Variants in DNM1 observed in about 807,000 individuals in gnomAD.
The protein encoded by DNM1 is dynamin 1.
A neutral mutation model predicts 104.6 loss-of-function variants in DNM1; 29 were observed. That is an observed-to-expected ratio of 0.28 (90% CI 0.21 to 0.38). DNM1 has a LOEUF of 0.38. Ranked by LOEUF, DNM1 falls within the 10% of genes least tolerant of loss-of-function variation. The probability of loss-of-function intolerance (pLI) is 1.00; values close to 1 mark genes in which losing one functional copy is unlikely to be tolerated. For synonymous variants in DNM1, 445 were observed against 475.8 expected, an observed-to-expected ratio of 0.94 and a Z score of 0.84; for missense variants, 640 against 1,189.4, an observed-to-expected ratio of 0.54 and a Z score of 6.79.
chr9:128,224,069 CA>C lies in DNM1; in HGVS notation c.1197-176del. The stretch of plus-strand genomic sequence containing the variant: ...GTCTCAAAAAAAATAACAACAACAA[CA>C]AAAAACCCTTCATTAGAACCCCTCC... On this transcript the variant is annotated intron_variant, in intron 9 of 21. Transcript: ENST00000372923. This position sits in a 1 kb window ranked among gnomAD's most constrained non-coding sequence, Gnocchi z 4.3. 2 of 715,004 alleles carry C rather than the reference CA, an allele frequency of 2.8e-6. No individual in the cohort carries two copies. Among genetic ancestry groups the C allele is most frequent in the Non-Finnish European group, 4.3e-6 (2 of 468,588 alleles). 44.3% of individuals were successfully genotyped at this position (715,004 alleles called of 1,614,324 possible). A position where few individuals can be genotyped will look rare whatever the true frequency, so the allele number is the denominator to read the frequency against.
At chr9:128,215,015 T>C (rs547789348) in intron 1 of DNM1, among the ~76,000 whole-genome samples, 1 of 152,344 alleles carries the variant, frequency 6.6e-6, no homozygotes, top group East Asian at 1.9e-4. Flanking sequence ...TGCTGAGTCA[T>C]GCACATTCCT....
In DNM1 at chr9:128,218,965, G is replaced by A. The variant is rs1328545771; in HGVS notation, c.386-84G>A. On this transcript the variant is annotated intron_variant, in intron 3 of 21. Coordinates refer to ENST00000372923, the MANE Select transcript of DNM1 (RefSeq NM_004408.4). The surrounding 1 kb of genome is among the most constrained non-coding windows in gnomAD (Gnocchi z 4.8). ...CCACCTGCCACCCTGCTCCCAAGCA[G>A]CTTCTCTAACCCCGCCCTATTCTTT... 6.6e-7 allele frequency: 1 copy of A among 1,506,138 alleles called. No homozygotes were observed. The highest frequency in any genetic ancestry group is 1.4e-5 in the African/African-American group (1 of 72,730). 93.3% of individuals were successfully genotyped at this position (1,506,138 alleles called of 1,614,324 possible).
intron 1 of DNM1, among the ~76,000 whole-genome samples, chr9:128,206,796 GC>G (rs1833996780): frequency 6.6e-6 from 1 of 152,138 alleles, no homozygotes. Flanking sequence ...AAGCCCTTAG[GC>G]CATGAGGAGT....
At chr9:128,210,189 A>T (rs1588322376) in intron 1 of DNM1, among the ~76,000 whole-genome samples, 1 of 151,914 alleles carries the variant, frequency 6.6e-6, no homozygotes, top group East Asian at 1.9e-4. Context: ...AGCTGGGATG[A>T]CAGGCATGTG....
At chr9:128,239,597 T>TAC in intron 12 of DNM1, 82 bp downstream of exon 12, 1 of 1,266,732 alleles carries the variant, frequency 7.9e-7, no homozygotes, top group Non-Finnish European at 1.1e-6. Flanking sequence ...TGTGTGTGTG[T>TAC]GTGTGTGTGT....
chr9:128,225,400 T>C (rs1413551830), intron 10 of DNM1, among the ~76,000 whole-genome samples: 2 of 152,282 alleles, frequency 1.3e-5, no homozygotes, highest in African/African-American at 4.8e-5. Context: ...CAGGCTGCTA[T>C]ACTGCAACCC....
chr9:128,213,263 G>C (rs1206402109), intron 1 of DNM1, among the ~76,000 whole-genome samples: 1 of 152,038 alleles, frequency 6.6e-6, no homozygotes, highest in East Asian at 1.9e-4. Context: ...TGTATCTTTA[G>C]TAGAGATGGG....
At chr9:128,239,289 C>T (rs919301403) in intron 11 of DNM1, among the ~76,000 whole-genome samples, 156 bp from the exon 12 acceptor site, 10 of 152,178 alleles carry the variant, frequency 6.6e-5, no homozygotes, top group Non-Finnish European at 1.3e-4. Flanking sequence ...TGAGCCACCA[C>T]GCTCAGCTTT....
chr9:128,251,041 G>A (rs1269069669), intron 21 of DNM1, 101 bp downstream of exon 21: 1 of 825,174 alleles, frequency 1.2e-6, no homozygotes, highest in Non-Finnish European at 1.9e-6. Flanking sequence ...CGCCAGAACC[G>A]GCCGTTTCTA....
intron 11 of DNM1, among the ~76,000 whole-genome samples, chr9:128,236,298 A>G (rs781356472): frequency 6.6e-5 from 10 of 152,032 alleles, no homozygotes; most frequent in Non-Finnish European, 1.3e-4. Flanking sequence ...CCATGCCCCT[A>G]CATGTCTGTT....
chr9:128,236,662 G>A (rs1317391042), intron 11 of DNM1, among the ~76,000 whole-genome samples: 3 of 151,978 alleles, frequency 2.0e-5, no homozygotes, highest in Non-Finnish European at 2.9e-5. Context: ...ACCAGCCAGG[G>A]CAACATGGCA....
chr9:128,221,189 A>C (rs1190618056), intron 6 of DNM1: 2 of 151,902 alleles, frequency 1.3e-5, no homozygotes. Context: ...TCCTGGATTC[A>C]AGGGATTCTC....
At chr9:128,244,103 C>T (rs917265166) in intron 15 of DNM1, among the ~76,000 whole-genome samples, 1 of 148,806 alleles carries the variant, frequency 6.7e-6, no homozygotes, top group African/African-American at 2.6e-5. Flanking sequence ...CTCTGGGCAC[C>T]TGCCTGTGCT....
Position 128,218,702 on chromosome 9 carries a change from C to T in DNM1, c.356C>T (p.Pro119Leu), listed in dbSNP as rs761430518. 1.1e-5 allele frequency: 18 copies of T among 1,607,790 alleles called. No homozygotes were observed. The highest frequency in any genetic ancestry group is 1.5e-5 in the Non-Finnish European group (18 of 1,175,486). ...ACCAACAAGGGCATCTCGCCGGTGC[C>T]TATCAACCTCCGCGTCTACTCGCCG... ...TGTNKGISPV[P>L]INLRVYSPHV... is the part of the protein sequence containing the mutation. Residue 119 changes from proline (P) to leucine (L), a missense_variant, in exon 3 of 22, where the codon CCT becomes CTT. This residue lies in a region of DNM1 where 172 missense variants were observed against 335.3 expected (regional missense o/e 0.51). Coordinates refer to ENST00000372923, the MANE Select transcript of DNM1 (RefSeq NM_004408.4). The surrounding 1 kb of genome is among the most constrained non-coding windows in gnomAD (Gnocchi z 4.8).
chr9:128,236,249 G>A (rs1234187233), intron 11 of DNM1, among the ~76,000 whole-genome samples: 3 of 152,158 alleles, frequency 2.0e-5, no homozygotes, highest in East Asian at 3.9e-4. Context: ...TGGCCCTCAC[G>A]GAGCTCGGAG....
rs1261040906 is a variant in DNM1 at position 128,254,778 on chromosome 9, T to C, written c.*64T>C. The C allele has an allele frequency of 7.0e-7, 1 of 1,423,722 alleles. No individual in the cohort carries two copies. The highest frequency in any genetic ancestry group is 9.7e-7 in the Non-Finnish European group (1 of 1,026,748). 88.2% of individuals were successfully genotyped at this position (1,423,722 alleles called of 1,614,324 possible). ...CCTGCCTGGACGGCTGTTCTGTGAC[T>C]TGACAGTGGCTCCCCCAGCCCCAAA... On this transcript the variant is annotated 3_prime_UTR_variant, in exon 22 of 22. Transcript: ENST00000372923. The surrounding 1 kb of genome is among the most constrained non-coding windows in gnomAD (Gnocchi z 6.1).
chr9:128,230,246 A>T (rs1404720110), intron 10 of DNM1, among the ~76,000 whole-genome samples: 1 of 151,490 alleles, frequency 6.6e-6, no homozygotes, highest in East Asian at 1.9e-4. Context: ...TAAAAATTAA[A>T]AAAAAAGATG....
At position 128,220,185 on chromosome 9, in the gene DNM1, C is replaced by A; in HGVS notation, c.693C>A (p.Tyr231Ter). Reference sequence around the variant, plus strand: ...TGACCTTGATACTGTTCACAGGCTACATTGGAGTGGTGAACCGGAGCCAGA... The same window carrying A: ...TGACCTTGATACTGTTCACAGGCTAAATTGGAGTGGTGAACCGGAGCCAGA... ...ENKLLPLRRG[Y>*]IGVVNRSQKD... is the part of the protein sequence containing the mutation. Residue 231 changes from tyrosine (Y) to a stop codon, truncating the protein, a stop_gained, in exon 6 of 22, where the codon TAC (tyrosine) becomes TAA (stop). Coordinates refer to ENST00000372923, the MANE Select transcript of DNM1 (RefSeq NM_004408.4). LOFTEE classifies it high-confidence loss of function. This position sits in a 1 kb window ranked among gnomAD's most constrained non-coding sequence, Gnocchi z 5.2. 6.2e-7 allele frequency: 1 copy of A among 1,614,184 alleles called. No homozygotes were observed. The highest frequency in any genetic ancestry group is 8.5e-7 in the Non-Finnish European group (1 of 1,180,032).
intron 10 of DNM1, among the ~76,000 whole-genome samples, chr9:128,231,012 A>G (rs529030465): frequency 6.6e-6 from 1 of 151,830 alleles, no homozygotes; most frequent in Admixed American, 6.6e-5. Context: ...CATGTTAGCC[A>G]GGCTGGTCTC....
Sources: allele counts gnomAD v4.1 joint callset (sites outside exome capture counted in the v4.1 genomes callset), GRCh38; gene constraint gnomAD v4.1.1; regional missense constraint gnomAD v4.1.1; non-coding constraint Gnocchi (gnomAD v3.1); transcripts MANE v1.5; gene names NCBI Gene and HGNC (gene_info 2026-07-23, HGNC 2026-07-21).